The following RBM19 variants were observed in gnomAD, a reference collection of about 807,000 sequenced individuals.
The protein encoded by RBM19 is RNA binding motif protein 19.
Under a neutral mutation model 116.8 loss-of-function variants are expected in RBM19, and 94 were observed. That is an observed-to-expected ratio of 0.80 (90% CI 0.68 to 0.95). The LOEUF (loss-of-function observed/expected upper bound fraction) is 0.95. RBM19 is among the 40% of genes least tolerant of loss of function. The pLI is 0.00. For synonymous variants in RBM19, 475 were observed against 494.1 expected, an observed-to-expected ratio of 0.96 and a Z score of 0.51; for missense variants, 1,161 against 1,220.7, an observed-to-expected ratio of 0.95 and a Z score of 0.73.
chr12:113,907,383 G>C (rs1249461827), intron 21 of RBM19, among the ~76,000 whole-genome samples: 1 of 152,166 alleles, frequency 6.6e-6, no homozygotes, highest in East Asian at 1.9e-4. Flanking sequence ...ACAGAGAGAG[G>C]CTCCATCAAC....
chr12:113,915,404 T>C (rs1349429269), intron 20 of RBM19, among the ~76,000 whole-genome samples: 1 of 152,132 alleles, frequency 6.6e-6, no homozygotes, highest in Non-Finnish European at 1.5e-5. Context: ...CTCCATTGTG[T>C]CTTTCTCTCC....
chr12:113,965,654 C>A (rs1872807770), intron 1 of RBM19, among the ~76,000 whole-genome samples: 1 of 152,184 alleles, frequency 6.6e-6, no homozygotes, highest in South Asian at 2.1e-4. Flanking sequence ...CTGCGCTGGG[C>A]TCCAGGGAAA....
chr12:113,943,657 C>A (rs1380192486), intron 13 of RBM19, among the ~76,000 whole-genome samples: 2 of 152,038 alleles, frequency 1.3e-5, no homozygotes, highest in Admixed American at 1.3e-4. Flanking sequence ...AACCTCATCT[C>A]TACTAAAAAT....
At chr12:113,837,509 A>G (rs1298250699) in intron 23 of RBM19, among the ~76,000 whole-genome samples, 2 of 152,236 alleles carry the variant, frequency 1.3e-5, no homozygotes, top group African/African-American at 2.4e-5. Flanking sequence ...TCTCCTTTAC[A>G]GGCATCCTTC....
chr12:113,952,839 G>A (rs1285016856), intron 7 of RBM19, among the ~76,000 whole-genome samples: 1 of 152,134 alleles, frequency 6.6e-6, no homozygotes, highest in Non-Finnish European at 1.5e-5. Context: ...GCGATGTCAC[G>A]ATCCGCATTT....
intron 21 of RBM19, among the ~76,000 whole-genome samples, chr12:113,871,475 C>G (rs1370318207): frequency 1.3e-5 from 2 of 151,922 alleles, no homozygotes; most frequent in Admixed American, 6.6e-5. Flanking sequence ...GTCAGACAGT[C>G]AATAATTTTA....
At chr12:113,899,924 T>C (rs1243573645) in intron 21 of RBM19, among the ~76,000 whole-genome samples, 5 of 151,808 alleles carry the variant, frequency 3.3e-5, no homozygotes, top group African/African-American at 9.7e-5. Context: ...CTGAAAAGGC[T>C]CTGAATGCAG....
chr12:113,957,873 G>C lies in RBM19; in HGVS notation c.749C>G (p.Thr250Ser), dbSNP rs138369177. The C allele has an allele frequency of 1.0e-4, 169 of 1,614,112 alleles. 1 individual carries two copies. In the African/African-American group the frequency reaches 1.6e-3, roughly 15 times the overall value. ...GCTGTCTCTTTCCTGCAGGACTGGG[G>C]TGGCGGAGGAATCCTCTTCCTCGGC... is the stretch of plus-strand genomic sequence containing the variant. ...SEAEEEDSSA[T>S]PVLQERDSKG... is the part of the protein sequence containing the mutation. The change falls in exon 6 of 24, where the codon ACC becomes AGC. Residue 250 changes from threonine to serine, a missense_variant. Physicochemically the swap from Thr to Ser is moderately conservative, Grantham distance 58. Coordinates refer to ENST00000261741, the MANE Select transcript of RBM19 (RefSeq NM_016196.4).
In RBM19 at chr12:113,877,202, C is replaced by G. The variant is rs1879734047; in HGVS notation, c.2559-18306G>C. On this transcript the variant is annotated intron_variant, in intron 21 of 23. Coordinates refer to ENST00000261741, the MANE Select transcript of RBM19 (RefSeq NM_016196.4). The stretch of plus-strand genomic sequence containing the variant: ...AAGGTTTCCGTCAGGGAGAGGACCT[C>G]CTCTGATACACCAGTGACCACTGAT... Among the ~76,000 whole-genome samples the G allele has an allele frequency of 1.3e-5, 2 of 152,232 alleles. 1 individual carries two copies.
chr12:113,875,543 G>A (rs1056211334), intron 21 of RBM19, among the ~76,000 whole-genome samples: 6 of 152,160 alleles, frequency 3.9e-5, no homozygotes, highest in African/African-American at 9.7e-5. Context: ...GTCAGAGCAC[G>A]CAAATGTGAC....
chr12:113,924,873 C>A, intron 17 of RBM19, 116 bp from the exon 18 acceptor site: 1 of 836,202 alleles, frequency 1.2e-6, no homozygotes, highest in Non-Finnish European at 2.1e-6. Context: ...GTCCCAAAAA[C>A]ATTTTGAGGT....
At chr12:113,863,597 G>A (rs770386336) in intron 21 of RBM19, among the ~76,000 whole-genome samples, 10 of 152,094 alleles carry the variant, frequency 6.6e-5, no homozygotes, top group African/African-American at 9.7e-5. Context: ...CTCACTATTC[G>A]GATCTGCTGG....
At chr12:113,908,813 C>T (rs1273327643) in intron 21 of RBM19, among the ~76,000 whole-genome samples, 1 of 152,164 alleles carries the variant, frequency 6.6e-6, no homozygotes. Flanking sequence ...TTACACTTCG[C>T]GTTTCTACCA....
At chr12:113,956,050 T>C (rs1871910098) in intron 6 of RBM19, among the ~76,000 whole-genome samples, 1 of 152,062 alleles carries the variant, frequency 6.6e-6, no homozygotes, top group African/African-American at 2.4e-5. Context: ...ATTCAGAGGC[T>C]GAAGGAAGTA....
intron 21 of RBM19, among the ~76,000 whole-genome samples, chr12:113,912,477 GC>G (rs1240340925): frequency 6.6e-6 from 1 of 152,206 alleles, no homozygotes; most frequent in African/African-American, 2.4e-5. Context: ...CCAAGCCGGG[GC>G]TCTGGGTTAG....
intron 21 of RBM19, among the ~76,000 whole-genome samples, chr12:113,875,719 C>G (rs761268510): frequency 1.2e-4 from 19 of 152,124 alleles, no homozygotes; most frequent in Non-Finnish European, 2.6e-4. Flanking sequence ...GTCAGGAGGC[C>G]CCTTGCAACA....
Position 113,958,314 on chromosome 12 carries a change from G to A in RBM19, c.572-264C>T, listed in dbSNP as rs555320141. On this transcript the variant is annotated intron_variant, in intron 5 of 23. Coordinates refer to ENST00000261741, the MANE Select transcript of RBM19 (RefSeq NM_016196.4). ...GCCATGTCTTCCTAGTCCTCTACAC[G>A]GCAGCCTCTGTGACACTTTACAGAG... Among the ~76,000 whole-genome samples the A allele has an allele frequency of 1.6e-4, 24 of 152,214 alleles. No homozygotes were observed. The South Asian group carries it at 2.9e-3, about 18-fold the overall frequency.
downstream of RBM19, among the ~76,000 whole-genome samples, chr12:113,818,930 C>T (rs537255354): frequency 6.6e-5 from 10 of 152,214 alleles, no homozygotes; most frequent in Non-Finnish European, 1.5e-4. Context: ...ATGCCAGGGC[C>T]CTCCTCACCC....
intron 13 of RBM19, among the ~76,000 whole-genome samples, 184 bp downstream of exon 13, chr12:113,945,644 C>A (rs1304046386): frequency 6.6e-6 from 1 of 152,194 alleles, no homozygotes; most frequent in Non-Finnish European, 1.5e-5. Context: ...TGGAGCCTGG[C>A]TGGGGATGTT....
Sources: gnomAD v4.1 joint callset for allele counts (sites outside exome capture counted in the v4.1 genomes callset) on GRCh38, gnomAD v4.1.1 for gene constraint, MANE v1.5 for transcripts, NCBI Gene and HGNC (gene_info 2026-07-23, HGNC 2026-07-21) for gene names.